MCCC1: variants seen among roughly 807,000 people sequenced by gnomAD.
MCCC1 encodes methylcrotonyl-CoA carboxylase subunit 1, also known as methylcrotonoyl-CoA carboxylase subunit alpha, mitochondrial.
A neutral mutation model predicts 83.8 loss-of-function variants in MCCC1; 64 were observed. That is an observed-to-expected ratio of 0.76 (90% CI 0.62 to 0.94). MCCC1 has a LOEUF of 0.94. Among genes scored for constraint, MCCC1 ranks in the 40% least tolerant of loss-of-function variants. The pLI, the probability that MCCC1 is intolerant of heterozygous loss-of-function variation, is 0.00. For missense variants in MCCC1, 807 were observed against 904.7 expected (o/e 0.89, Z 1.39); for synonymous variants, 322 against 315.4 (o/e 1.02, Z -0.22).
At chr3:183,027,515 T>C (rs2108449355) in intron 14 of MCCC1, among the ~76,000 whole-genome samples, 1 of 152,160 alleles carries the variant, frequency 6.6e-6, no homozygotes, top group Non-Finnish European at 1.5e-5. Flanking sequence ...ACATGAAGGA[T>C]AAAAAGGTGA....
chr3:183,065,281 T>G (rs548551416), intron 7 of MCCC1, among the ~76,000 whole-genome samples: 1 of 152,098 alleles, frequency 6.6e-6, no homozygotes, highest in Non-Finnish European at 1.5e-5. Context: ...CTTGTAACCA[T>G]GTGGCCTAGC....
chr3:183,065,755 TG>T (rs895491862), intron 7 of MCCC1, among the ~76,000 whole-genome samples: 1 of 152,228 alleles, frequency 6.6e-6, no homozygotes, highest in African/African-American at 2.4e-5. Context: ...ATTCTGTGTG[TG>T]AACATATTGT....
intron 4 of MCCC1, 112 bp from the exon 5 acceptor site, chr3:183,072,599 T>C: frequency 1.7e-6 from 2 of 1,144,172 alleles, no homozygotes; most frequent in Non-Finnish European, 2.6e-6. Flanking sequence ...CTGGTAATAG[T>C]ATGGTCTCTA....
rs187263502 is a variant in MCCC1, at chr3:183,054,614, T to C, written c.874-2374A>G. 1.5e-3 allele frequency among the ~76,000 whole-genome samples: 224 copies of C among 152,310 alleles called. 2 individuals carry two copies. The highest frequency in any genetic ancestry group is 5.1e-3 in the African/African-American group (213 of 41,538). ...CAAAAAAGTTATAGCAAGCTAAGGC[T>C]AATTTATTAAATAAAAATATTTTTT... On this transcript the variant is annotated intron_variant, in intron 8 of 18. Transcript: ENST00000265594.
intron 4 of MCCC1, among the ~76,000 whole-genome samples, chr3:183,075,144 G>A (rs1716974333): frequency 6.6e-6 from 1 of 152,166 alleles, no homozygotes; most frequent in Non-Finnish European, 1.5e-5. Flanking sequence ...CTGATTCAAT[G>A]ACTTTGCTAT....
At chr3:183,040,773 T>G (rs1186561219) in intron 11 of MCCC1, among the ~76,000 whole-genome samples, 2 of 152,064 alleles carry the variant, frequency 1.3e-5, no homozygotes, top group Non-Finnish European at 2.9e-5. Flanking sequence ...GTCCTAATTA[T>G]ATCAGTCTAG....
upstream of MCCC1, among the ~76,000 whole-genome samples, chr3:183,100,902 G>A (rs1719211359): frequency 6.6e-6 from 1 of 152,266 alleles, no homozygotes; most frequent in Non-Finnish European, 1.5e-5. Flanking sequence ...TGGAGGGAGA[G>A]ACACGAGCGG....
intron 9 of MCCC1, among the ~76,000 whole-genome samples, chr3:183,047,323 C>T (rs1714631214): frequency 6.6e-6 from 1 of 152,098 alleles, no homozygotes; most frequent in Admixed American, 6.5e-5. Flanking sequence ...ACAGGCTCAG[C>T]AAGACTGAGA....
intron 4 of MCCC1, among the ~76,000 whole-genome samples, chr3:183,083,422 T>C (rs1272121296): frequency 6.6e-6 from 1 of 152,226 alleles, no homozygotes; most frequent in African/African-American, 2.4e-5. Context: ...TTTGCTCTTT[T>C]ATCCTTTATT....
chr3:183,039,853 T>C (rs1465812658), intron 11 of MCCC1, among the ~76,000 whole-genome samples: 2 of 151,862 alleles, frequency 1.3e-5, no homozygotes, highest in African/African-American at 4.8e-5. Context: ...TCCCAAGACT[T>C]TGGGAGGCCG....
intron 13 of MCCC1, among the ~76,000 whole-genome samples, chr3:183,035,385 T>C (rs527928511): frequency 4.1e-4 from 62 of 152,358 alleles, no homozygotes; most frequent in Middle Eastern, 3.4e-3. Flanking sequence ...CATACAGCTA[T>C]CTTGAATGAA....
chr3:183,086,667 A>C, intron 4 of MCCC1, 26 bp downstream of exon 4: 1 of 1,602,762 alleles, frequency 6.2e-7, no homozygotes, highest in South Asian at 1.1e-5. Flanking sequence ...TTCCTTTTGC[A>C]CTGCAAATCT....
intron 13 of MCCC1, among the ~76,000 whole-genome samples, chr3:183,034,889 T>C (rs962052786): frequency 4.6e-5 from 7 of 151,990 alleles, no homozygotes; most frequent in African/African-American, 1.7e-4. Flanking sequence ...GTGATTCTCC[T>C]GCCTCAGCCT....
intron 7 of MCCC1, 114 bp from the exon 8 acceptor site, chr3:183,057,536 T>A: frequency 1.2e-6 from 1 of 865,884 alleles, no homozygotes; most frequent in Non-Finnish European, 1.9e-6. Flanking sequence ...TTACTTCCTT[T>A]AAGTAAGATC....
chr3:183,082,501 GCTCAA>G (rs1458194090), intron 4 of MCCC1, among the ~76,000 whole-genome samples: 1 of 152,194 alleles, frequency 6.6e-6, no homozygotes, highest in Non-Finnish European at 1.5e-5. Context: ...TGCAGCCAGT[GCTCAA>G]CTCAAGAATC....
chr3:183,038,910 C>A, intron 12 of MCCC1, 116 bp downstream of exon 12: 1 of 924,140 alleles, frequency 1.1e-6, no homozygotes, highest in Admixed American at 1.9e-5. Context: ...TTTGTTTGGG[C>A]AATTGATGGA....
At position 183,052,212 on chromosome 3, in the gene MCCC1, T is replaced by A; in HGVS notation, c.902A>T (p.Lys301Met). 6.2e-7 allele frequency: 1 copy of A among 1,614,012 alleles called. No homozygotes were observed. The highest frequency in any genetic ancestry group is 8.5e-7 in the Non-Finnish European group (1 of 1,179,954). The change falls in exon 9 of 19, where the codon AAG becomes ATG. Residue 301 changes from lysine (K) to methionine (M), a missense_variant. Coordinates refer to ENST00000265594, the MANE Select transcript of MCCC1 (RefSeq NM_020166.5). ...AGCTCTGACTGCAGCTTCTCCCAGC[T>A]TTTTTCTTACTTCAGATTTAATACC... ...APGIKSEVRK[K>M]LGEAAVRAAK... is the part of the protein sequence containing the mutation.
At chr3:183,112,445 C>A (rs1415124771) in intron 1 of MCCC1, among the ~76,000 whole-genome samples, 1 of 152,174 alleles carries the variant, frequency 6.6e-6, no homozygotes, top group Non-Finnish European at 1.5e-5. Flanking sequence ...GCAGACACAA[C>A]ATCAAGCAAA....
chr3:183,096,542 T>C (rs1050085977), intron 1 of MCCC1, among the ~76,000 whole-genome samples: 1 of 152,204 alleles, frequency 6.6e-6, no homozygotes, highest in Admixed American at 6.5e-5. Flanking sequence ...ATACATATTA[T>C]GTATATGACT....
Sources: gnomAD v4.1 joint callset for allele counts (sites outside exome capture counted in the v4.1 genomes callset) on GRCh38, gnomAD v4.1.1 for gene constraint, MANE v1.5 for transcripts, NCBI Gene and HGNC (gene_info 2026-07-23, HGNC 2026-07-21) for gene names.